The following MSH4 variants were observed in gnomAD, a reference collection of about 807,000 sequenced individuals.
MSH4 encodes mutS protein homolog 4.
Under a neutral mutation model 113.7 loss-of-function variants are expected in MSH4, and 106 were observed. That is an observed-to-expected ratio of 0.93 (90% CI 0.80 to 1.10). MSH4 has a LOEUF of 1.10. Among genes scored for constraint, MSH4 ranks in the 50% least tolerant of loss-of-function variants. MSH4 has a pLI of 0.00. For synonymous variants in MSH4, 368 were observed against 380.2 expected (o/e 0.97, Z 0.37); for missense variants, 1,061 against 1,093.7 (o/e 0.97, Z 0.42).
chr1:75,884,189 T>G (rs1652003152), intron 15 of MSH4, among the ~76,000 whole-genome samples: 1 of 152,158 alleles, frequency 6.6e-6, no homozygotes, highest in Non-Finnish European at 1.5e-5. Context: ...CTGTTGCCTT[T>G]AATAATCCAT....
chr1:75,811,818 T>C (rs1650195726), intron 4 of MSH4, among the ~76,000 whole-genome samples: 1 of 152,206 alleles, frequency 6.6e-6, no homozygotes, highest in Non-Finnish European at 1.5e-5. Context: ...CAAGCTGAGG[T>C]TTGGAGTCCA....
Position 75,883,549 on chromosome 1 carries a change from T to C in MSH4, c.1907-72T>C, listed in dbSNP as rs190082427. ...GTGAAAATCACTAAGATATAGACAA[T>C]ACATACACACTACAAAATCTTTAGA... On this transcript the variant is annotated intron_variant, in intron 14 of 19. Coordinates refer to ENST00000263187, the MANE Select transcript of MSH4 (RefSeq NM_002440.4). The C allele has an allele frequency of 4.5e-5, 54 of 1,191,572 alleles. No individual in the cohort carries two copies. The East Asian group carries it at 1.2e-3, about 27-fold the overall frequency. The allele number at this position is 1,191,572 out of a possible 1,614,324, so 73.8% of individuals were successfully genotyped here. A position where few individuals can be genotyped will look rare whatever the true frequency, so the allele number is the denominator to read the frequency against.
At chr1:75,823,386 G>A (rs1650474149) in intron 7 of MSH4, among the ~76,000 whole-genome samples, 1 of 152,098 alleles carries the variant, frequency 6.6e-6, no homozygotes, top group Non-Finnish European at 1.5e-5. Flanking sequence ...TAAGAAAATT[G>A]CCCTTGCCTC....
At chr1:75,822,694 C>A (rs1460398267) in intron 7 of MSH4, 113 bp downstream of exon 7, 2 of 519,736 alleles carry the variant, frequency 3.8e-6, no homozygotes, top group South Asian at 6.8e-5. Flanking sequence ...TTCTTGTATT[C>A]TTTTATGGAA....
At chr1:75,846,222 A>G (rs5745397) in intron 7 of MSH4, among the ~76,000 whole-genome samples, 6 of 152,174 alleles carry the variant, frequency 3.9e-5, no homozygotes, top group African/African-American at 9.7e-5. Context: ...CATTGTTTTC[A>G]TGAATAGAAC....
intron 9 of MSH4, among the ~76,000 whole-genome samples, chr1:75,871,136 G>T (rs1274297311): frequency 6.6e-6 from 1 of 152,082 alleles, no homozygotes; most frequent in Non-Finnish European, 1.5e-5. Flanking sequence ...AGGCACCTTT[G>T]TTACAAGGCA....
intron 19 of MSH4, among the ~76,000 whole-genome samples, chr1:75,907,685 T>TCTCTCC (rs879308615): frequency 1.6e-5 from 1 of 60,906 alleles, no homozygotes; most frequent in Non-Finnish European, 2.9e-5. Context: ...TCTCTCTCTC[T>TCTCTCC]ATACATATAT....
chr1:75,886,533 A>AT (rs1652116738), intron 15 of MSH4, among the ~76,000 whole-genome samples: 1 of 117,310 alleles, frequency 8.5e-6, no homozygotes, highest in East Asian at 2.5e-4. Context: ...TGTATTATAT[A>AT]TATTATTATC....
intron 8 of MSH4, among the ~76,000 whole-genome samples, chr1:75,864,915 AAG>A (rs1379484007): frequency 1.3e-5 from 2 of 152,152 alleles, no homozygotes; most frequent in African/African-American, 4.8e-5. Context: ...CTCTGGCCAT[AAG>A]AGAGGCTGGA....
intron 14 of MSH4, among the ~76,000 whole-genome samples, chr1:75,881,827 T>C (rs959743982): frequency 2.6e-5 from 4 of 152,088 alleles, no homozygotes; most frequent in Non-Finnish European, 4.4e-5. Context: ...ATCCCAAGTC[T>C]ATAAAAAGGC....
chr1:75,826,887 G>C (rs1339329521), intron 7 of MSH4, among the ~76,000 whole-genome samples: 1 of 152,050 alleles, frequency 6.6e-6, no homozygotes, highest in African/African-American at 2.4e-5. Context: ...TTATGTGGTC[G>C]ATTTTAGAAT....
At chr1:75,870,601 A>G (rs950536672) in intron 9 of MSH4, among the ~76,000 whole-genome samples, 1 of 152,102 alleles carries the variant, frequency 6.6e-6, no homozygotes, top group African/African-American at 2.4e-5. Flanking sequence ...TGGTTGTTTA[A>G]AGGGGAGTTC....
At chr1:75,864,910 G>T (rs1651529432) in intron 8 of MSH4, among the ~76,000 whole-genome samples, 1 of 152,100 alleles carries the variant, frequency 6.6e-6, no homozygotes, top group Admixed American at 6.5e-5. Flanking sequence ...AATTTCTCTG[G>T]CCATAAGAGA....
intron 7 of MSH4, among the ~76,000 whole-genome samples, chr1:75,839,005 C>T (rs1057121627): frequency 6.6e-6 from 1 of 152,156 alleles, no homozygotes; most frequent in Admixed American, 6.5e-5. Context: ...AACAGTTTAA[C>T]ATATTTGTTA....
chr1:75,837,973 C>CTCTA (rs1322228964), intron 7 of MSH4, among the ~76,000 whole-genome samples: 1 of 152,196 alleles, frequency 6.6e-6, no homozygotes, highest in African/African-American at 2.4e-5. Context: ...CTAGCCTTTT[C>CTCTA]TCTACATTGT....
At chr1:75,803,483 G>T (rs1234491579) in intron 1 of MSH4, among the ~76,000 whole-genome samples, 12 of 152,008 alleles carry the variant, frequency 7.9e-5, no homozygotes, top group Non-Finnish European at 1.2e-4. Context: ...CAGGCGTGGT[G>T]GCGGGTGCCT....
intron 9 of MSH4, 104 bp downstream of exon 9, chr1:75,867,692 A>G: frequency 1.4e-6 from 1 of 706,490 alleles, no homozygotes; most frequent in Non-Finnish European, 2.4e-6. Context: ...TAACATGGCG[A>G]ATTTCCCATA....
In MSH4 at chr1:75,831,599, T is replaced by G. The variant is rs533868394; in HGVS notation, c.1162+9018T>G. 1.2e-4 allele frequency among the ~76,000 whole-genome samples: 18 copies of G among 152,328 alleles called. No homozygotes were observed. In the East Asian group the frequency reaches 3.5e-3, roughly 29 times the overall value. Reference sequence around the variant, plus strand: ...TAACAAACTGTCTCTCAGACCACAGTGCAATCAAACTAGAACTGAGGATTA... The same window carrying G: ...TAACAAACTGTCTCTCAGACCACAGGGCAATCAAACTAGAACTGAGGATTA... On this transcript the variant is annotated intron_variant, in intron 7 of 19. Coordinates refer to ENST00000263187, the MANE Select transcript of MSH4 (RefSeq NM_002440.4).
chr1:75,877,555 A>G (rs1651842118), intron 10 of MSH4, among the ~76,000 whole-genome samples: 1 of 152,210 alleles, frequency 6.6e-6, no homozygotes, highest in South Asian at 2.1e-4. Context: ...GAAGTTAATA[A>G]TAAAACTGGC....
Sources: allele counts gnomAD v4.1 joint callset (sites outside exome capture counted in the v4.1 genomes callset), GRCh38; gene constraint gnomAD v4.1.1; transcripts MANE v1.5; gene names NCBI Gene and HGNC (gene_info 2026-07-23, HGNC 2026-07-21).